Variants in SETBP1 observed in about 807,000 individuals in gnomAD.
SETBP1 encodes SET binding protein 1, also known as SET-binding protein.
In SETBP1, 9 loss-of-function variants were observed where a neutral mutation model predicts 101.0. The observed-to-expected ratio is 0.09, with a 90% CI of 0.05 to 0.16. The LOEUF (loss-of-function observed/expected upper bound fraction) is 0.16. Among genes scored for constraint, SETBP1 ranks in the 10% least tolerant of loss-of-function variants. The pLI is 1.00. For synonymous variants in SETBP1, 818 were observed against 788.5 expected (o/e 1.04, Z -0.63); for missense variants, 1,858 against 2,033.8 (o/e 0.91, Z 1.66).
chr18:44,820,923 T>A (rs2072099300), intron 2 of SETBP1, among the ~76,000 whole-genome samples: 1 of 152,246 alleles, frequency 6.6e-6, no homozygotes, highest in Non-Finnish European at 1.5e-5. Flanking sequence ...TAGAAATGTA[T>A]ACTTGGTAGC....
intron 3 of SETBP1, among the ~76,000 whole-genome samples, chr18:44,907,474 A>C (rs1367652553): frequency 6.6e-6 from 1 of 152,172 alleles, no homozygotes; most frequent in Non-Finnish European, 1.5e-5. Context: ...GCTCAGTAAT[A>C]ATATATGAGG....
intron 2 of SETBP1, among the ~76,000 whole-genome samples, chr18:44,751,508 T>A (rs2070379266): frequency 6.6e-6 from 1 of 152,196 alleles, no homozygotes; most frequent in South Asian, 2.1e-4. Flanking sequence ...ATATGGAAAT[T>A]GTGGTTTCTA....
At chr18:44,755,370 A>G (rs765150027) in intron 2 of SETBP1, among the ~76,000 whole-genome samples, 22 of 152,208 alleles carry the variant, frequency 1.4e-4, no homozygotes, top group Non-Finnish European at 3.1e-4. Context: ...AGGAAGACTC[A>G]CTGTAAATGT....
chr18:44,742,683 G>A (rs1049788925), intron 2 of SETBP1, among the ~76,000 whole-genome samples: 1 of 152,144 alleles, frequency 6.6e-6, no homozygotes, highest in African/African-American at 2.4e-5. Flanking sequence ...TTAGCCCCAG[G>A]ATGTCTGTGG....
intron 2 of SETBP1, among the ~76,000 whole-genome samples, chr18:44,750,514 C>T (rs893654418): frequency 3.9e-5 from 6 of 152,108 alleles, no homozygotes; most frequent in Admixed American, 1.3e-4. Context: ...AACATCTGTC[C>T]GTAACAATTG....
chr18:44,685,247 G>A (rs567586230), intron 1 of SETBP1, among the ~76,000 whole-genome samples: 2 of 152,342 alleles, frequency 1.3e-5, no homozygotes, highest in South Asian at 4.1e-4. Flanking sequence ...TTAGAACTTT[G>A]TTAGCTTGGA....
chr18:44,833,862 C>T (rs2072431476), intron 2 of SETBP1, among the ~76,000 whole-genome samples: 1 of 152,214 alleles, frequency 6.6e-6, no homozygotes, highest in Admixed American at 6.5e-5. Flanking sequence ...GCTTCTTGGA[C>T]AATGTATGTT....
At chr18:45,007,181 A>C (rs554189753) in intron 4 of SETBP1, among the ~76,000 whole-genome samples, 2 of 152,242 alleles carry the variant, frequency 1.3e-5, no homozygotes, top group Admixed American at 6.5e-5. Context: ...CCTGGCCCAC[A>C]ATATCTCTTC....
In SETBP1 at chr18:44,928,706, C is replaced by G. The variant is rs61033648; in HGVS notation, c.541-21175C>G. Among the ~76,000 whole-genome samples the G allele has an allele frequency of 1.4e-4, 21 of 152,312 alleles. No homozygotes were observed. The East Asian group carries it at 4.1e-3, about 29-fold the overall frequency. ...TGATGATCAGCATGTTTTCATGTGT[C>G]TGCTGGCTGCATAAATGTCTTCTTT... On this transcript the variant is annotated intron_variant, in intron 3 of 5. Coordinates refer to ENST00000649279, the MANE Select transcript of SETBP1 (RefSeq NM_015559.3).
chr18:44,952,762 G>T lies in SETBP1; in HGVS notation c.3422G>T (p.Ser1141Ile). 1 of 1,614,006 alleles carries T rather than the reference G, an allele frequency of 6.2e-7. No individual in the cohort carries two copies. Among genetic ancestry groups the T allele is most frequent in the Non-Finnish European group, 8.5e-7 (1 of 1,180,030 alleles). The change falls in exon 4 of 6, where the codon AGT becomes ATT. Residue 1141 changes from serine to isoleucine, a missense_variant. This residue lies in a region of SETBP1 where 417 missense variants were observed against 389.1 expected (regional missense o/e 1.07). Transcript: ENST00000649279. ...SLNPPKVGSASLSSGRLHKRK... is the reference protein window; with the variant it reads ...SLNPPKVGSAILSSGRLHKRK... ...AACCCTCCCAAGGTAGGCAGTGCCA[G>T]TCTGTCCAGTGGTCGGCTCCATAAG... is the stretch of plus-strand genomic sequence containing the variant.
intron 5 of SETBP1, among the ~76,000 whole-genome samples, chr18:45,052,432 G>A (rs777700770): frequency 3.3e-5 from 5 of 152,214 alleles, no homozygotes; most frequent in African/African-American, 4.8e-5. Flanking sequence ...AATTCCAGTG[G>A]AAATTTGGGA....
chr18:45,037,211 G>A (rs1260841836), intron 4 of SETBP1, among the ~76,000 whole-genome samples: 1 of 152,124 alleles, frequency 6.6e-6, no homozygotes, highest in Admixed American at 6.5e-5. Context: ...AAACTGAATA[G>A]GTAACCATTT....
chr18:45,023,053 G>A (rs2073100576), intron 4 of SETBP1, among the ~76,000 whole-genome samples: 1 of 152,114 alleles, frequency 6.6e-6, no homozygotes, highest in Admixed American at 6.5e-5. Context: ...TTTGAACACT[G>A]AGAATGGGCT....
At chr18:44,964,840 A>G (rs1282787982) in intron 4 of SETBP1, among the ~76,000 whole-genome samples, 3 of 152,118 alleles carry the variant, frequency 2.0e-5, no homozygotes, top group South Asian at 2.1e-4. Flanking sequence ...CACTACCACT[A>G]TGGTTGCCAG....
intron 3 of SETBP1, among the ~76,000 whole-genome samples, chr18:44,880,877 A>G (rs957651297): frequency 6.6e-6 from 1 of 152,192 alleles, no homozygotes; most frequent in Non-Finnish European, 1.5e-5. Flanking sequence ...TGACATTTCA[A>G]CATGAGATCT....
Position 44,793,990 on chromosome 18 carries a change from G to A in SETBP1, c.487-75240G>A, listed in dbSNP as rs185745299. ...TTCTTTAATTCTTAGCCATTAACAA[G>A]GGGTTAGTCAGAGTTGGACTATTGG... On this transcript the variant is annotated intron_variant, in intron 2 of 5. Transcript: ENST00000649279. Among the ~76,000 whole-genome samples, 446 of 152,316 alleles carry A rather than the reference G, an allele frequency of 2.9e-3. 2 individuals carry two copies. Among genetic ancestry groups the A allele is most frequent in the African/African-American group, 0.01 (433 of 41,562 alleles).
rs908203954 is a variant in SETBP1, at chr18:45,008,004, A to T, written c.4001-30481A>T. Among the ~76,000 whole-genome samples the T allele has an allele frequency of 3.3e-5, 5 of 152,192 alleles. No homozygotes were observed. The South Asian group carries it at 8.3e-4, about 25-fold the overall frequency. ...AGGGCTTCTTCAGAGCTCCTGAGAT[A>T]CCAAAGCTGGCTTTACATTATCTCT... is the stretch of plus-strand genomic sequence containing the variant. On this transcript the variant is annotated intron_variant, in intron 4 of 5. Coordinates refer to ENST00000649279, the MANE Select transcript of SETBP1 (RefSeq NM_015559.3).
chr18:44,686,056 A>G (rs533882600), intron 1 of SETBP1, among the ~76,000 whole-genome samples: 54 of 152,242 alleles, frequency 3.5e-4, no homozygotes, highest in Non-Finnish European at 6.8e-4. Context: ...TCAAGAAACC[A>G]CAATACTTAA....
chr18:44,840,938 A>G (rs2072603502), intron 2 of SETBP1, among the ~76,000 whole-genome samples: 1 of 152,210 alleles, frequency 6.6e-6, no homozygotes, highest in African/African-American at 2.4e-5. Context: ...CAGGGTTGGA[A>G]ACTTATGATT....
Sources: gnomAD v4.1 joint callset for allele counts (sites outside exome capture counted in the v4.1 genomes callset) on GRCh38, gnomAD v4.1.1 for gene constraint, gnomAD v4.1.1 regional missense constraint, MANE v1.5 for transcripts, NCBI Gene and HGNC (gene_info 2026-07-23, HGNC 2026-07-21) for gene names.